NDST3: variants seen among roughly 807,000 people sequenced by gnomAD.
NDST3 encodes the protein bifunctional heparan sulfate N-deacetylase/N-sulfotransferase 3.
NDST3 carries 58 observed loss-of-function variants against 96.1 expected under a neutral mutation model. That is an observed-to-expected ratio of 0.60 (90% CI 0.49 to 0.75). NDST3 has a LOEUF of 0.75. NDST3 is among the 30% of genes least tolerant of loss of function. The probability of loss-of-function intolerance (pLI) is 0.00; values close to 1 mark genes in which losing one functional copy is unlikely to be tolerated. For missense variants in NDST3, 788 were observed against 1,034.2 expected (o/e 0.76, Z 3.27); for synonymous variants, 333 against 359.7 (o/e 0.93, Z 0.84).
At chr4:118,048,380 C>G (rs1337806581) in intron 1 of NDST3, among the ~76,000 whole-genome samples, 2 of 152,044 alleles carry the variant, frequency 1.3e-5, no homozygotes, top group Non-Finnish European at 2.9e-5. Context: ...CAGATCCATA[C>G]TAATCCTGAA....
At chr4:118,241,955 C>A in intron 11 of NDST3, 85 bp from the exon 12 acceptor site, 1 of 900,760 alleles carries the variant, frequency 1.1e-6, no homozygotes, top group Non-Finnish European at 1.8e-6. Context: ...GTGTCTCTCA[C>A]TGAATGAGTT....
chr4:118,193,432 G>A lies in NDST3; in HGVS notation c.1540-31059G>A. 4.4e-6 allele frequency: 3 copies of A among 681,886 alleles called. No individual in the cohort carries two copies. In the South Asian group the frequency reaches 5.3e-5, roughly 12 times the overall value. The allele number at this position is 681,886 out of a possible 1,614,324, so 42.2% of individuals were successfully genotyped here. ...ATGCTTCTGTCTCCACTTGAGACTGGCTCTCTGTGGTGTTGCTCTTCTGCT... is the reference window on the plus strand; with the variant it reads ...ATGCTTCTGTCTCCACTTGAGACTGACTCTCTGTGGTGTTGCTCTTCTGCT... On this transcript the variant is annotated intron_variant, in intron 6 of 13. Transcript: ENST00000296499.
chr4:118,190,618 C>T (rs1427690732), intron 6 of NDST3, among the ~76,000 whole-genome samples: 1 of 152,102 alleles, frequency 6.6e-6, no homozygotes, highest in Non-Finnish European at 1.5e-5. Context: ...GGACAGAAGA[C>T]AGAGCTGTGA....
At chr4:118,084,919 G>C (rs923699376) in intron 2 of NDST3, among the ~76,000 whole-genome samples, 3 of 152,096 alleles carry the variant, frequency 2.0e-5, no homozygotes, top group Non-Finnish European at 2.9e-5. Flanking sequence ...ACGAGATCGA[G>C]ACCATCCTGG....
In NDST3 at chr4:118,255,861, G is replaced by A; in HGVS notation, c.*149G>A. ...CCATGTGCTGGCACGTGGATGATTA[G>A]AAAAAAAGAAAAAGTATGTGTTACA... On this transcript the variant is annotated 3_prime_UTR_variant, in exon 14 of 14. Transcript: ENST00000296499. The A allele has an allele frequency of 1.1e-6, 1 of 898,432 alleles. No homozygotes were observed. Among genetic ancestry groups the A allele is most frequent in the African/African-American group, 1.7e-5 (1 of 58,656 alleles). 55.7% of individuals were successfully genotyped at this position (898,432 alleles called of 1,614,324 possible). A position where few individuals can be genotyped will look rare whatever the true frequency, so the allele number is the denominator to read the frequency against.
At chr4:118,201,326 G>A (rs1738073377) in intron 6 of NDST3, among the ~76,000 whole-genome samples, 1 of 152,196 alleles carries the variant, frequency 6.6e-6, no homozygotes, top group Admixed American at 6.5e-5. Context: ...GAGATGAATG[G>A]TAGCCCTGTT....
At chr4:118,253,288 T>C (rs950617532) in intron 12 of NDST3, among the ~76,000 whole-genome samples, 3 of 152,182 alleles carry the variant, frequency 2.0e-5, no homozygotes, top group Admixed American at 2.0e-4. Context: ...CTCACAAATA[T>C]GACAGATGAA....
intron 4 of NDST3, among the ~76,000 whole-genome samples, chr4:118,123,648 T>C (rs1731795542): frequency 6.6e-6 from 1 of 152,112 alleles, no homozygotes. Flanking sequence ...GTACAAGTGT[T>C]TACATGATTC....
intron 9 of NDST3, among the ~76,000 whole-genome samples, chr4:118,234,698 T>C (rs1740523215): frequency 2.0e-5 from 3 of 151,896 alleles, no homozygotes; most frequent in African/African-American, 7.3e-5. Context: ...TTTACAAAAA[T>C]ATATTTTGGT....
At chr4:118,178,941 T>TG (rs1316558698) in intron 6 of NDST3, among the ~76,000 whole-genome samples, 9 of 152,068 alleles carry the variant, frequency 5.9e-5, no homozygotes, top group Non-Finnish European at 1.0e-4. Context: ...AGCTAAAAGT[T>TG]GGCCAGCTAC....
At chr4:118,130,308 C>G (rs886554463) in intron 4 of NDST3, among the ~76,000 whole-genome samples, 27 of 151,786 alleles carry the variant, frequency 1.8e-4, no homozygotes, top group African/African-American at 6.0e-4. Flanking sequence ...AGATAATTTT[C>G]TCTTGTGCTT....
chr4:118,046,358 C>T (rs1724760784), intron 1 of NDST3, among the ~76,000 whole-genome samples: 1 of 152,210 alleles, frequency 6.6e-6, no homozygotes, highest in Non-Finnish European at 1.5e-5. Context: ...CATGGTGCAG[C>T]TCTGGCAGAA....
intron 6 of NDST3, among the ~76,000 whole-genome samples, chr4:118,160,361 C>G (rs1560687319): frequency 1.3e-5 from 2 of 151,560 alleles, no homozygotes; most frequent in Non-Finnish European, 2.9e-5. Context: ...ACAAAACTGT[C>G]AACAGAGTAA....
intron 3 of NDST3, among the ~76,000 whole-genome samples, chr4:118,106,089 C>T (rs995640200): frequency 6.6e-6 from 1 of 152,060 alleles, no homozygotes; most frequent in East Asian, 1.9e-4. Context: ...TGTTGGCTGG[C>T]TATTTGGATA....
At chr4:118,113,175 A>T (rs897575224) in intron 3 of NDST3, among the ~76,000 whole-genome samples, 3 of 152,194 alleles carry the variant, frequency 2.0e-5, no homozygotes, top group Non-Finnish European at 4.4e-5. Context: ...ATGAATACAG[A>T]CATTAAAGAG....
chr4:118,035,656 A>ATTT (rs888326648), intron 1 of NDST3, among the ~76,000 whole-genome samples: 5 of 151,996 alleles, frequency 3.3e-5, no homozygotes, highest in Admixed American at 6.5e-5. Flanking sequence ...CCTTTTTAAA[A>ATTT]TAGTACTGAA....
At chr4:118,084,929 G>A (rs1364279597) in intron 2 of NDST3, among the ~76,000 whole-genome samples, 6 of 152,058 alleles carry the variant, frequency 3.9e-5, no homozygotes. Context: ...GACCATCCTG[G>A]CTAACATGGT....
In NDST3 at chr4:118,107,106, T is replaced by C. The variant is rs567386645; in HGVS notation, c.1069+2001T>C. Among the ~76,000 whole-genome samples the C allele has an allele frequency of 5.5e-5, 4 of 73,326 alleles. No individual in the cohort carries two copies. In the East Asian group the frequency reaches 1.3e-3, roughly 24 times the overall value. 48.1% of individuals were successfully genotyped at this position (73,326 alleles called of 152,430 possible). On this transcript the variant is annotated intron_variant, in intron 3 of 13. Coordinates refer to ENST00000296499, the MANE Select transcript of NDST3 (RefSeq NM_004784.3). ...CTCCATCTCAAAATAATAATAATAA[T>C]AATAATCATCATCATCATCATCTAA...
intron 6 of NDST3, among the ~76,000 whole-genome samples, chr4:118,204,821 T>G (rs964428191): frequency 1.4e-5 from 2 of 144,488 alleles, no homozygotes; most frequent in Admixed American, 1.4e-4. Context: ...TATTTAAAGA[T>G]AAAAACAATG....
Sources: allele counts gnomAD v4.1 joint callset (sites outside exome capture counted in the v4.1 genomes callset), GRCh38; gene constraint gnomAD v4.1.1; transcripts MANE v1.5; gene names NCBI Gene and HGNC (gene_info 2026-07-23, HGNC 2026-07-21).